The following PLD1 variants were observed in gnomAD, a reference collection of about 807,000 sequenced individuals.
The protein encoded by PLD1 is phospholipase D1.
Under a neutral mutation model 137.1 loss-of-function variants are expected in PLD1, and 112 were observed. The observed-to-expected ratio is 0.82, with a 90% CI of 0.70 to 0.96. The LOEUF (loss-of-function observed/expected upper bound fraction) is 0.96. Among genes scored for constraint, PLD1 ranks in the 40% least tolerant of loss-of-function variants. The pLI, the probability that PLD1 is intolerant of heterozygous loss-of-function variation, is 0.00. For synonymous variants in PLD1, 431 were observed against 454.7 expected, an observed-to-expected ratio of 0.95 and a Z score of 0.66; for missense variants, 1,321 against 1,342.0, an observed-to-expected ratio of 0.98 and a Z score of 0.24.
At chr3:171,783,639 C>T (rs1026929254) in intron 1 of PLD1, among the ~76,000 whole-genome samples, 1 of 151,438 alleles carries the variant, frequency 6.6e-6, no homozygotes, top group Non-Finnish European at 1.5e-5. Flanking sequence ...TGTTTGTTTG[C>T]CTGTTTATTT....
intron 19 of PLD1, among the ~76,000 whole-genome samples, chr3:171,671,043 TA>T (rs992138367): frequency 4.6e-5 from 7 of 152,214 alleles, no homozygotes; most frequent in African/African-American, 1.7e-4. Context: ...ATACCAAACA[TA>T]AGTCTTTCAG....
intron 1 of PLD1, among the ~76,000 whole-genome samples, chr3:171,778,496 G>A (rs752662422): frequency 3.3e-5 from 5 of 152,192 alleles, no homozygotes; most frequent in Admixed American, 6.5e-5. Context: ...CATAAGTGGC[G>A]AGGTAGCACA....
At chr3:171,618,044 G>A (rs984537023) in intron 24 of PLD1, among the ~76,000 whole-genome samples, 16 of 151,924 alleles carry the variant, frequency 1.1e-4, no homozygotes, top group African/African-American at 2.9e-4. Flanking sequence ...AGTTTCCACC[G>A]AGATAAAAAG....
intron 1 of PLD1, among the ~76,000 whole-genome samples, chr3:171,766,883 T>A (rs936951023): frequency 1.3e-5 from 2 of 152,246 alleles, no homozygotes; most frequent in Non-Finnish European, 1.5e-5. Context: ...TTAAAGGTTC[T>A]AAACTTATTT....
intron 19 of PLD1, among the ~76,000 whole-genome samples, chr3:171,665,910 T>A (rs557287004): frequency 4.6e-5 from 7 of 152,318 alleles, no homozygotes; most frequent in Admixed American, 3.3e-4. Flanking sequence ...AAAAATGTCA[T>A]CATTTGTGGC....
At chr3:171,625,628 C>T (rs1307891773) in intron 23 of PLD1, among the ~76,000 whole-genome samples, 2 of 152,168 alleles carry the variant, frequency 1.3e-5, no homozygotes, top group African/African-American at 2.4e-5. Flanking sequence ...ACACCTCACA[C>T]GGCCGGGTAC....
intron 23 of PLD1, among the ~76,000 whole-genome samples, chr3:171,639,629 CTATAT>C (rs1252867387): frequency 1.4e-5 from 1 of 69,668 alleles, no homozygotes; most frequent in East Asian, 3.9e-4. Flanking sequence ...AATATATATT[CTATAT>C]AATATATATT....
At chr3:171,664,651 GT>G (rs540612453) in intron 19 of PLD1, among the ~76,000 whole-genome samples, 696 of 152,044 alleles carry the variant, frequency 4.6e-3, no homozygotes, top group African/African-American at 0.016. Flanking sequence ...TAGAGACGGG[GT>G]TTTGCCATGT....
At chr3:171,703,902 G>A (rs893992193) in intron 11 of PLD1, among the ~76,000 whole-genome samples, 36 of 152,298 alleles carry the variant, frequency 2.4e-4, no homozygotes, top group African/African-American at 8.2e-4. Flanking sequence ...CTCTGAGGCA[G>A]GGGAAATCTC....
At chr3:171,777,454 AT>A (rs1210190243) in intron 1 of PLD1, among the ~76,000 whole-genome samples, 1 of 152,170 alleles carries the variant, frequency 6.6e-6, no homozygotes, top group African/African-American at 2.4e-5. Flanking sequence ...TTCTTTCCTA[AT>A]TGCCCAGAGG....
In PLD1 at chr3:171,734,899, T is replaced by C; in HGVS notation, c.506A>G (p.Asn169Ser). The C allele has an allele frequency of 6.2e-7, 1 of 1,612,286 alleles. No individual in the cohort carries two copies. Among genetic ancestry groups the C allele is most frequent in the Non-Finnish European group, 8.5e-7 (1 of 1,178,338 alleles). ...AAGGAATTGTTCTTCTCTTATCATG[T>C]TTTCAGATGAACGGGGCAAACTGGG... is the stretch of plus-strand genomic sequence containing the variant. ...EMPSLPRSSENMIREEQFLGR... is the reference protein window; with the variant it reads ...EMPSLPRSSESMIREEQFLGR... The change falls in exon 5 of 27, where the codon AAC becomes AGC. Residue 169 changes from asparagine to serine, a missense_variant. Coordinates refer to ENST00000351298, the MANE Select transcript of PLD1 (RefSeq NM_002662.5).
intron 1 of PLD1, among the ~76,000 whole-genome samples, chr3:171,772,381 T>G (rs1289550860): frequency 2.0e-5 from 3 of 152,246 alleles, no homozygotes; most frequent in African/African-American, 7.2e-5. Flanking sequence ...CTGATTTACA[T>G]GAATTACTGG....
intron 1 of PLD1, among the ~76,000 whole-genome samples, chr3:171,773,465 G>C (rs897108348): frequency 1.1e-4 from 17 of 152,094 alleles, no homozygotes; most frequent in Non-Finnish European, 2.4e-4. Flanking sequence ...AGCCGGGCGT[G>C]GAGTAGTGCA....
chr3:171,755,880 C>A (rs1720991343), intron 1 of PLD1, among the ~76,000 whole-genome samples: 1 of 152,176 alleles, frequency 6.6e-6, no homozygotes, highest in East Asian at 1.9e-4. Context: ...TCTCAATATG[C>A]TCAAAACAGA....
chr3:171,755,537 G>A (rs1389644310), intron 1 of PLD1, among the ~76,000 whole-genome samples: 1 of 152,046 alleles, frequency 6.6e-6, no homozygotes, highest in Non-Finnish European at 1.5e-5. Flanking sequence ...TGTTCTTCTT[G>A]TGCTCAAAAT....
At chr3:171,780,021 G>T (rs1722735549) in intron 1 of PLD1, among the ~76,000 whole-genome samples, 1 of 151,986 alleles carries the variant, frequency 6.6e-6, no homozygotes, top group South Asian at 2.1e-4. Context: ...ATTCAGGACG[G>T]GGGTTTATAT....
At chr3:171,631,337 G>A (rs2108332704) in intron 23 of PLD1, among the ~76,000 whole-genome samples, 1 of 152,244 alleles carries the variant, frequency 6.6e-6, no homozygotes, top group South Asian at 2.1e-4. Flanking sequence ...TGGGAGCCGT[G>A]TTTCTCACTG....
chr3:171,763,799 A>T (rs1329075421), intron 1 of PLD1, among the ~76,000 whole-genome samples: 1 of 151,264 alleles, frequency 6.6e-6, no homozygotes, highest in Non-Finnish European at 1.5e-5. Flanking sequence ...AATAGAATAA[A>T]ATAACATTAT....
At chr3:171,669,095 T>C (rs918386237) in intron 19 of PLD1, among the ~76,000 whole-genome samples, 1 of 152,124 alleles carries the variant, frequency 6.6e-6, no homozygotes, top group African/African-American at 2.4e-5. Context: ...AGATAACTTT[T>C]TCAGGAGCAG....
Sources: allele counts gnomAD v4.1 joint callset (sites outside exome capture counted in the v4.1 genomes callset), GRCh38; gene constraint gnomAD v4.1.1; transcripts MANE v1.5; gene names NCBI Gene and HGNC (gene_info 2026-07-23, HGNC 2026-07-21).